The following AHCYL2 variants were observed in gnomAD, a reference collection of about 807,000 sequenced individuals.
AHCYL2 encodes the protein adenosylhomocysteinase like 2.
AHCYL2 carries 28 observed loss-of-function variants against 81.4 expected under a neutral mutation model. The ratio of observed to expected loss-of-function variants is 0.34; its 90% CI spans 0.25 to 0.47. The LOEUF (loss-of-function observed/expected upper bound fraction) is 0.47. Among genes scored for constraint, AHCYL2 ranks in the 20% least tolerant of loss-of-function variants. AHCYL2 has a pLI of 1.00. For synonymous variants in AHCYL2, 272 were observed against 290.2 expected, an observed-to-expected ratio of 0.94 and a Z score of 0.64; for missense variants, 551 against 785.1, an observed-to-expected ratio of 0.70 and a Z score of 3.56.
chr7:129,285,375 C>T (rs1796592349), intron 1 of AHCYL2, among the ~76,000 whole-genome samples: 1 of 152,120 alleles, frequency 6.6e-6, no homozygotes, highest in Non-Finnish European at 1.5e-5. Context: ...ATAGAGATTC[C>T]TGATGGAGAA....
chr7:129,384,335 A>G (rs894050598), intron 2 of AHCYL2, among the ~76,000 whole-genome samples: 1 of 150,094 alleles, frequency 6.7e-6, no homozygotes, highest in Admixed American at 6.7e-5. Context: ...TGTTGCTAAT[A>G]TGTTTTGGTC....
intron 1 of AHCYL2, among the ~76,000 whole-genome samples, chr7:129,373,342 G>A (rs1036339817): frequency 3.9e-5 from 6 of 152,040 alleles, no homozygotes; most frequent in African/African-American, 1.2e-4. Flanking sequence ...TCAGGAGATC[G>A]AGACCAGCCT....
At chr7:129,372,060 C>T (rs1314769390) in intron 1 of AHCYL2, among the ~76,000 whole-genome samples, 1 of 152,138 alleles carries the variant, frequency 6.6e-6, no homozygotes, top group Non-Finnish European at 1.5e-5. Context: ...TGGGCTCTCT[C>T]CCCAGGATAT....
chr7:129,277,486 C>A (rs1796265058), intron 1 of AHCYL2, among the ~76,000 whole-genome samples: 1 of 151,952 alleles, frequency 6.6e-6, no homozygotes, highest in Non-Finnish European at 1.5e-5. Flanking sequence ...TGCCATGTTG[C>A]CCAGGCTGGT....
At chr7:129,404,672 T>C (rs1338527737) in intron 7 of AHCYL2, among the ~76,000 whole-genome samples, 2 of 152,144 alleles carry the variant, frequency 1.3e-5, no homozygotes, top group African/African-American at 4.8e-5. Context: ...TGAGACTCCA[T>C]CTCAAAACAA....
chr7:129,416,206 A>G (rs972946571), intron 12 of AHCYL2, among the ~76,000 whole-genome samples: 1 of 152,150 alleles, frequency 6.6e-6, no homozygotes, highest in South Asian at 2.1e-4. Context: ...GCCCAGACAT[A>G]AGTAACCTCC....
At chr7:129,292,520 A>G (rs573648686) in intron 1 of AHCYL2, among the ~76,000 whole-genome samples, 9 of 152,304 alleles carry the variant, frequency 5.9e-5, no homozygotes, top group African/African-American at 2.2e-4. Context: ...TAATCCTAGC[A>G]CTTTGGGAGT....
intron 1 of AHCYL2, among the ~76,000 whole-genome samples, chr7:129,352,210 T>C (rs1227806058): frequency 6.6e-6 from 1 of 152,168 alleles, no homozygotes; most frequent in East Asian, 1.9e-4. Flanking sequence ...ACCATGGTTA[T>C]TCAGGTTTGG....
chr7:129,278,417 AT>A (rs1796301555), intron 1 of AHCYL2, among the ~76,000 whole-genome samples: 1 of 151,946 alleles, frequency 6.6e-6, no homozygotes, highest in Admixed American at 6.6e-5. Flanking sequence ...TTATTTTCTA[AT>A]TATTGAGTTT....
At chr7:129,420,749 G>C (rs1413749937) in intron 12 of AHCYL2, among the ~76,000 whole-genome samples, 1 of 152,006 alleles carries the variant, frequency 6.6e-6, no homozygotes, top group Non-Finnish European at 1.5e-5. Flanking sequence ...GCCTCCCAAA[G>C]TGTTGGGATT....
intron 1 of AHCYL2, among the ~76,000 whole-genome samples, chr7:129,324,577 G>A (rs985960261): frequency 1.3e-5 from 2 of 152,010 alleles, no homozygotes; most frequent in Non-Finnish European, 2.9e-5. Flanking sequence ...GTGCAGTGGC[G>A]CGATCTTGGC....
chr7:129,404,372 GA>G (rs933946521), intron 7 of AHCYL2, among the ~76,000 whole-genome samples: 183 of 148,728 alleles, frequency 1.2e-3, no homozygotes, highest in African/African-American at 3.6e-3. Context: ...CTAAAAGTAT[GA>G]AAAAAAAAAG....
At chr7:129,370,698 AAAAC>A (rs1384623070) in intron 1 of AHCYL2, among the ~76,000 whole-genome samples, 5 of 152,230 alleles carry the variant, frequency 3.3e-5, no homozygotes, top group African/African-American at 4.8e-5. Context: ...ACTCCGTCTC[AAAAC>A]AAACAAACAA....
chr7:129,392,305 A>G, intron 4 of AHCYL2, among the ~76,000 whole-genome samples: 1 of 152,226 alleles, frequency 6.6e-6, no homozygotes, highest in East Asian at 1.9e-4. Context: ...AATAAACAAT[A>G]GATATTTATT....
chr7:129,363,334 C>T (rs923412414), intron 1 of AHCYL2, among the ~76,000 whole-genome samples: 4 of 152,080 alleles, frequency 2.6e-5, no homozygotes, highest in African/African-American at 9.7e-5. Context: ...ATACCTATAC[C>T]TTATGCCTTA....
chr7:129,236,284 TC>T (rs1794641572), intron 1 of AHCYL2, among the ~76,000 whole-genome samples: 2 of 152,002 alleles, frequency 1.3e-5, no homozygotes, highest in Non-Finnish European at 2.9e-5. Context: ...CACTGCAACC[TC>T]CGTCTTTCAG....
rs183087736 is a variant in AHCYL2 at position 129,331,665 on chromosome 7, A to C, written c.364-47973A>C. Among the ~76,000 whole-genome samples, 158 of 151,716 alleles carry C rather than the reference A, an allele frequency of 1.0e-3. 1 individual carries two copies. Among genetic ancestry groups the C allele is most frequent in the African/African-American group, 3.3e-3 (135 of 41,522 alleles). On this transcript the variant is annotated intron_variant, in intron 1 of 16. Coordinates refer to ENST00000325006, the MANE Select transcript of AHCYL2 (RefSeq NM_015328.4). ...AAGACCAGCCTGGCCAAAATAATGA[A>C]ACCCCGTCTCTACTAAAAATACAAA...
intron 1 of AHCYL2, among the ~76,000 whole-genome samples, chr7:129,256,778 T>C (rs1298590789): frequency 6.6e-6 from 1 of 152,012 alleles, no homozygotes; most frequent in Non-Finnish European, 1.5e-5. Context: ...AAGTAGAATT[T>C]CTTGTTCAAA....
chr7:129,353,048 C>A (rs768878628), intron 1 of AHCYL2, among the ~76,000 whole-genome samples: 3 of 147,906 alleles, frequency 2.0e-5, no homozygotes, highest in Non-Finnish European at 4.4e-5. Flanking sequence ...CGGGTTCAAG[C>A]GATTCTCCTG....
Sources: allele counts gnomAD v4.1 joint callset (sites outside exome capture counted in the v4.1 genomes callset), GRCh38; gene constraint gnomAD v4.1.1; transcripts MANE v1.5; gene names NCBI Gene and HGNC (gene_info 2026-07-23, HGNC 2026-07-21).